Variants in ZC3H7A observed in about 807,000 individuals in gnomAD.
ZC3H7A encodes the protein zinc finger CCCH-type containing 7A.
In ZC3H7A, 44 loss-of-function variants were observed where a neutral mutation model predicts 125.5. The ratio of observed to expected loss-of-function variants is 0.35; its 90% CI spans 0.28 to 0.45. The LOEUF is 0.45. Among genes scored for constraint, ZC3H7A ranks in the 20% least tolerant of loss-of-function variants. The probability of loss-of-function intolerance (pLI) is 1.00; values close to 1 mark genes in which losing one functional copy is unlikely to be tolerated. For synonymous variants in ZC3H7A, 399 were observed against 391.2 expected (o/e 1.02, Z -0.23); for missense variants, 977 against 1,170.7 (o/e 0.83, Z 2.41).
chr16:11,790,883 A>G (rs1299956780), intron 1 of ZC3H7A, among the ~76,000 whole-genome samples: 2 of 151,660 alleles, frequency 1.3e-5, no homozygotes, highest in Admixed American at 1.3e-4. Context: ...CTCAAAAATA[A>G]ATAGATAAAT....
chr16:11,760,688 C>T (rs1310902233), intron 19 of ZC3H7A, among the ~76,000 whole-genome samples: 1 of 152,188 alleles, frequency 6.6e-6, no homozygotes. Flanking sequence ...CTCCAAGTGT[C>T]CCTGTCTGCT....
chr16:11,782,827 C>G (rs2141210920), intron 1 of ZC3H7A: 1 of 157,684 alleles, frequency 6.3e-6, no homozygotes, highest in South Asian at 1.7e-4. Flanking sequence ...ACTGGTCAAG[C>G]TGGTCTCGAA....
At chr16:11,769,730 G>A (rs933100971) in intron 10 of ZC3H7A, among the ~76,000 whole-genome samples, 73 of 61,012 alleles carry the variant, frequency 1.2e-3, no homozygotes, top group East Asian at 2.8e-3. Flanking sequence ...AAAAAAAAAA[G>A]CAGGAACTGA....
At chr16:11,793,776 GT>G (rs1441748827) in intron 1 of ZC3H7A, among the ~76,000 whole-genome samples, 1 of 152,188 alleles carries the variant, frequency 6.6e-6, no homozygotes, top group Non-Finnish European at 1.5e-5. Flanking sequence ...AGACATTAAA[GT>G]TGTTGAAGCT....
intron 21 of ZC3H7A, among the ~76,000 whole-genome samples, chr16:11,755,801 GAGA>G (rs1018802018): frequency 3.0e-4 from 46 of 152,308 alleles, no homozygotes; most frequent in African/African-American, 1.1e-3. Context: ...CCACTAGAGA[GAGA>G]AGATGAAGAC....
At chr16:11,762,998 G>A in intron 16 of ZC3H7A, 2 of 398,256 alleles carry the variant, frequency 5.0e-6, no homozygotes, top group South Asian at 4.7e-5. Context: ...TTAATGACAT[G>A]AGAACACACT....
intron 9 of ZC3H7A, among the ~76,000 whole-genome samples, chr16:11,772,593 T>C (rs1402579775): frequency 6.6e-6 from 1 of 151,694 alleles, no homozygotes; most frequent in Non-Finnish European, 1.5e-5. Context: ...TGACACCATC[T>C]ATTACACCAC....
intron 20 of ZC3H7A, 24 bp downstream of exon 20, chr16:11,758,407 G>C (rs753497929): frequency 6.4e-7 from 1 of 1,552,616 alleles, no homozygotes. Context: ...CTAGCTCAAG[G>C]ACACAGCTAA....
At chr16:11,754,125 C>G (rs1196896835) in intron 21 of ZC3H7A, among the ~76,000 whole-genome samples, 1 of 151,188 alleles carries the variant, frequency 6.6e-6, no homozygotes, top group African/African-American at 2.4e-5. Context: ...ATCCCCATCT[C>G]TACAAAAAAT....
At chr16:11,783,084 G>C (rs991467577) in intron 1 of ZC3H7A, 5 of 152,016 alleles carry the variant, frequency 3.3e-5, no homozygotes, top group African/African-American at 9.7e-5. Context: ...AACAGTTCCA[G>C]CCTTGTTTTG....
intron 22 of ZC3H7A, 56 bp from the exon 23 acceptor site, chr16:11,751,562 T>G: frequency 6.5e-7 from 1 of 1,533,850 alleles, no homozygotes; most frequent in Non-Finnish European, 8.8e-7. Context: ...AAAAATCGTG[T>G]CATGATTCTT....
At chr16:11,763,323 G>A in intron 16 of ZC3H7A, 155 bp downstream of exon 16, 3 of 633,312 alleles carry the variant, frequency 4.7e-6, no homozygotes, top group Non-Finnish European at 7.6e-6. Flanking sequence ...TGGCCAGACT[G>A]GTCTTGAACT....
chr16:11,770,905 A>G lies in ZC3H7A; in HGVS notation c.986T>C (p.Leu329Ser). 6.2e-7 allele frequency: 1 copy of G among 1,614,208 alleles called. No individual in the cohort carries two copies. Among genetic ancestry groups the G allele is most frequent in the Non-Finnish European group, 8.5e-7 (1 of 1,180,034 alleles). Reference protein sequence around the residue: ...MPFSASLLGTLPIGARYAPPP... With the variant: ...MPFSASLLGTSPIGARYAPPP... ...AGGAGCATACCTCGCACCAATGGGTAAGGTTCCTAACAGCGATGCCGAAAA... is the reference window on the plus strand; with the variant it reads ...AGGAGCATACCTCGCACCAATGGGTGAGGTTCCTAACAGCGATGCCGAAAA... Residue 329 changes from leucine to serine, a missense_variant, in exon 10 of 23, where the codon TTA becomes TCA. Transcript: ENST00000355758.
At chr16:11,785,951 T>C (rs1224543114) in intron 1 of ZC3H7A, among the ~76,000 whole-genome samples, 2 of 152,078 alleles carry the variant, frequency 1.3e-5, no homozygotes, top group Non-Finnish European at 2.9e-5. Flanking sequence ...CGGGTAGGTA[T>C]ATATATTGAC....
intron 21 of ZC3H7A, chr16:11,753,087 T>C (rs2052578762): frequency 7.2e-6 from 3 of 415,404 alleles, no homozygotes; most frequent in South Asian, 3.9e-5. Context: ...ACAAGGATGT[T>C]TGCTGGGAGA....
At chr16:11,766,282 A>T (rs1488696836) in intron 13 of ZC3H7A, among the ~76,000 whole-genome samples, 1 of 152,204 alleles carries the variant, frequency 6.6e-6, no homozygotes, top group Non-Finnish European at 1.5e-5. Flanking sequence ...ATCTGGTCAT[A>T]GGCCAAGCGT....
intron 21 of ZC3H7A, among the ~76,000 whole-genome samples, chr16:11,754,492 T>C (rs1400497499): frequency 1.3e-5 from 2 of 151,714 alleles, no homozygotes; most frequent in Admixed American, 1.3e-4. Flanking sequence ...TGGATCTGAC[T>C]GAATCAACAG....
chr16:11,775,094 C>G, intron 7 of ZC3H7A, 81 bp from the exon 8 acceptor site: 1 of 1,486,266 alleles, frequency 6.7e-7, no homozygotes, highest in Non-Finnish European at 9.4e-7. Context: ...CACCCTAGGC[C>G]GGGCACAGTG....
intron 1 of ZC3H7A, among the ~76,000 whole-genome samples, chr16:11,792,702 G>A (rs1241786529): frequency 6.6e-6 from 1 of 152,170 alleles, no homozygotes; most frequent in Non-Finnish European, 1.5e-5. Flanking sequence ...GACGCAGCTG[G>A]CCCAGGATTA....
Sources: gnomAD v4.1 joint callset for allele counts (sites outside exome capture counted in the v4.1 genomes callset) on GRCh38, gnomAD v4.1.1 for gene constraint, MANE v1.5 for transcripts, NCBI Gene and HGNC (gene_info 2026-07-23, HGNC 2026-07-21) for gene names.